The following GRK3 variants were observed in gnomAD, a reference collection of about 807,000 sequenced individuals.
The protein encoded by GRK3 is adrenergic, beta, receptor kinase 2.
In GRK3, 54 loss-of-function variants were observed where a neutral mutation model predicts 95.7. The observed-to-expected ratio is 0.56, with a 90% CI of 0.45 to 0.71. The LOEUF is 0.71. GRK3 is among the 30% of genes least tolerant of loss of function. The probability of loss-of-function intolerance (pLI) is 0.00; values close to 1 mark genes in which losing one functional copy is unlikely to be tolerated. For missense variants in GRK3, 649 were observed against 851.2 expected, an observed-to-expected ratio of 0.76 and a Z score of 2.96; for synonymous variants, 281 against 290.8, an observed-to-expected ratio of 0.97 and a Z score of 0.34.
At chr22:25,628,872 G>A (rs562672529) in intron 2 of GRK3, among the ~76,000 whole-genome samples, 3 of 152,140 alleles carry the variant, frequency 2.0e-5, no homozygotes, top group African/African-American at 4.8e-5. Context: ...GCAGAGAGCT[G>A]TCACATCGAT....
intron 1 of GRK3, among the ~76,000 whole-genome samples, chr22:25,604,056 G>A (rs1229395575): frequency 6.6e-6 from 1 of 152,132 alleles, no homozygotes; most frequent in Middle Eastern, 3.2e-3. Context: ...TGTGTGCTGT[G>A]TGCATGTGTT....
intron 9 of GRK3, among the ~76,000 whole-genome samples, chr22:25,682,325 C>T (rs1011002302): frequency 2.7e-4 from 41 of 151,996 alleles, no homozygotes; most frequent in African/African-American, 9.9e-4. Context: ...CATATGGGAC[C>T]CATCTGGGTT....
intron 17 of GRK3, among the ~76,000 whole-genome samples, chr22:25,711,837 A>T (rs1219719419): frequency 6.6e-6 from 1 of 151,750 alleles, no homozygotes; most frequent in Non-Finnish European, 1.5e-5. Flanking sequence ...CCCCATTTAC[A>T]CCCTTCTGAC....
rs1453859958 is a variant in GRK3 at position 25,714,562 on chromosome 22, A to G, written c.1646A>G (p.His549Arg). 3.1e-6 allele frequency: 5 copies of G among 1,596,452 alleles called. No homozygotes were observed. Among genetic ancestry groups the G allele is most frequent in the Non-Finnish European group, 3.4e-6 (4 of 1,174,502 alleles). ...AGAGCTAAAAATAAGCAACTTGGCC[A>G]CGAAGAAGGTAAAATAGCTCACGTG... ...RKRAKNKQLG[H>R]EEDYALGKDC... Residue 549 changes from histidine to arginine, a missense_variant, in exon 18 of 21, where the codon CAC (histidine) becomes CGC (arginine). Transcript: ENST00000324198.
At chr22:25,593,637 C>G (rs1160594485) in intron 1 of GRK3, among the ~76,000 whole-genome samples, 1 of 152,158 alleles carries the variant, frequency 6.6e-6, no homozygotes, top group African/African-American at 2.4e-5. Flanking sequence ...TTCTCTCATT[C>G]TGTAGGGTGT....
intron 2 of GRK3, among the ~76,000 whole-genome samples, chr22:25,606,824 G>A (rs1274510612): frequency 6.6e-6 from 1 of 152,162 alleles, no homozygotes; most frequent in Non-Finnish European, 1.5e-5. Flanking sequence ...AGGCATTGCC[G>A]AACTGGGAGA....
At chr22:25,567,871 C>T (rs1931546316) in intron 1 of GRK3, among the ~76,000 whole-genome samples, 1 of 152,236 alleles carries the variant, frequency 6.6e-6, no homozygotes, top group Non-Finnish European at 1.5e-5. Context: ...TTTGCAGCTT[C>T]CTGCCTATTA....
chr22:25,605,376 G>T (rs942609446), intron 2 of GRK3, among the ~76,000 whole-genome samples: 2 of 152,124 alleles, frequency 1.3e-5, no homozygotes, highest in Non-Finnish European at 2.9e-5. Context: ...AGTTCTTACG[G>T]CTTCTCATTA....
At chr22:25,632,678 T>C (rs1379466580) in intron 2 of GRK3, among the ~76,000 whole-genome samples, 1 of 152,238 alleles carries the variant, frequency 6.6e-6, no homozygotes. Context: ...TTATCCATTT[T>C]GAGTTAATTT....
chr22:25,582,011 G>A lies in GRK3; in HGVS notation c.113+16858G>A, dbSNP rs578017459. Among the ~76,000 whole-genome samples the A allele has an allele frequency of 3.3e-5, 5 of 152,160 alleles. No homozygotes were observed. The South Asian group carries it at 6.2e-4, about 19-fold the overall frequency. ...AAATAAGTGTTTCATGGCTGGGCGC[G>A]GTGGCCTGTAATCCCAGCACTTTGG... On this transcript the variant is annotated intron_variant, in intron 1 of 20. Coordinates refer to ENST00000324198, the MANE Select transcript of GRK3 (RefSeq NM_005160.4).
intron 3 of GRK3, chr22:25,648,265 G>A: frequency 1.2e-6 from 1 of 819,080 alleles, no homozygotes; most frequent in Non-Finnish European, 2.2e-6. Flanking sequence ...GACAATGGTA[G>A]ATACTATATC....
At chr22:25,678,041 TTAAAAA>T (rs777546594) in intron 8 of GRK3, among the ~76,000 whole-genome samples, 111 of 152,338 alleles carry the variant, frequency 7.3e-4, no homozygotes, top group Admixed American at 1.5e-3. Context: ...AATATCAAAA[TTAAAAA>T]TAAATCAATA....
chr22:25,583,332 T>C (rs1396013674), intron 1 of GRK3, among the ~76,000 whole-genome samples: 4 of 151,982 alleles, frequency 2.6e-5, no homozygotes, highest in Non-Finnish European at 5.9e-5. Context: ...TGGAGGCTAT[T>C]TGTGGCCTGG....
chr22:25,588,592 G>A (rs112516465), intron 1 of GRK3, among the ~76,000 whole-genome samples: 4 of 152,236 alleles, frequency 2.6e-5, no homozygotes, highest in Non-Finnish European at 5.9e-5. Context: ...ACAGAGCTCT[G>A]TTTTGCGTGC....
At chr22:25,602,653 T>C (rs975383284) in intron 1 of GRK3, among the ~76,000 whole-genome samples, 2 of 152,214 alleles carry the variant, frequency 1.3e-5, no homozygotes, top group African/African-American at 4.8e-5. Context: ...CTTATGCACA[T>C]AGCAATATGG....
At position 25,672,448 on chromosome 22, in the gene GRK3, C is replaced by T. The variant is rs543028680; in HGVS notation, c.555+101C>T. 7.1e-5 allele frequency: 48 copies of T among 674,782 alleles called. 1 individual carries two copies. The African/African-American group carries it at 7.3e-4, about 10-fold the overall frequency. 41.8% of individuals were successfully genotyped at this position (674,782 alleles called of 1,614,324 possible). A position where few individuals can be genotyped will look rare whatever the true frequency, so the allele number is the denominator to read the frequency against. On this transcript the variant is annotated intron_variant, in intron 7 of 20. Coordinates refer to ENST00000324198, the MANE Select transcript of GRK3 (RefSeq NM_005160.4). ...ATTCTGGAACGTACTCCCAGAGGGT[C>T]CACTGCCCAAACAGATGTCTGTCTT...
At chr22:25,641,873 G>A (rs185074968) in intron 2 of GRK3, among the ~76,000 whole-genome samples, 2 of 152,296 alleles carry the variant, frequency 1.3e-5, no homozygotes, top group Admixed American at 6.5e-5. Context: ...GACGTGGGTA[G>A]GCTATGGTGA....
intron 14 of GRK3, 66 bp downstream of exon 14, chr22:25,703,642 A>C (rs565185023): frequency 8.6e-7 from 1 of 1,158,582 alleles, no homozygotes; most frequent in Admixed American, 1.9e-5. Context: ...CGTCAATAAT[A>C]AAAAAATGCT....
intron 2 of GRK3, among the ~76,000 whole-genome samples, chr22:25,607,516 G>A (rs1215608709): frequency 6.6e-6 from 1 of 152,028 alleles, no homozygotes. Context: ...CCTGTGTGTT[G>A]TAGAATGTTC....
Sources: gnomAD v4.1 joint callset for allele counts (sites outside exome capture counted in the v4.1 genomes callset) on GRCh38, gnomAD v4.1.1 for gene constraint, MANE v1.5 for transcripts, NCBI Gene and HGNC (gene_info 2026-07-23, HGNC 2026-07-21) for gene names.